The following TMIGD3 variants were observed in gnomAD, a reference collection of about 807,000 sequenced individuals.
TMIGD3 encodes the protein transmembrane and immunoglobulin domain containing 3, also known as AD026 protein (AD026).
TMIGD3 carries 21 observed loss-of-function variants against 28.1 expected under a neutral mutation model. The ratio of observed to expected loss-of-function variants is 0.75; its 90% confidence interval spans 0.53 to 1.08. The LOEUF (loss-of-function observed/expected upper bound fraction) is 1.08, where lower values mean the gene tolerates loss of function less well. Among genes scored for constraint, TMIGD3 ranks in the 50% least tolerant of loss-of-function variants. TMIGD3 has a pLI of 0.00. For synonymous variants in TMIGD3, 151 were observed against 162.1 expected (o/e 0.93, Z 0.52); for missense variants, 416 against 435.6 (o/e 0.96, Z 0.40).
intron 1 of TMIGD3, among the ~76,000 whole-genome samples, chr1:111,516,126 C>A (rs1344459063): frequency 6.6e-6 from 1 of 152,238 alleles, no homozygotes; most frequent in Non-Finnish European, 1.5e-5. Flanking sequence ...TTGGCAGGGC[C>A]GCGGTCCAGG....
At chr1:111,504,268 G>T, upstream of TMIGD3, 1 of 319,568 alleles carries the variant, frequency 3.1e-6, no homozygotes, top group Non-Finnish European at 4.5e-6. Flanking sequence ...CTGGCAGCCG[G>T]CCAATGTCCA....
At chr1:111,525,363 A>G (rs1656227258) in intron 1 of TMIGD3, among the ~76,000 whole-genome samples, 1 of 152,204 alleles carries the variant, frequency 6.6e-6, no homozygotes, top group South Asian at 2.1e-4. Flanking sequence ...TAAGTACATA[A>G]AAGTTTAGAA....
At chr1:111,504,710 TA>T, upstream of TMIGD3, 1 of 220,586 alleles carries the variant, frequency 4.5e-6, no homozygotes, top group Non-Finnish European at 7.7e-6. Context: ...TGGTGTTTAC[TA>T]ACAAACACTT....
intron 1 of TMIGD3, among the ~76,000 whole-genome samples, chr1:111,541,307 G>A (rs982302302): frequency 6.6e-6 from 1 of 152,166 alleles, no homozygotes; most frequent in Non-Finnish European, 1.5e-5. Context: ...TTCTAAGTGT[G>A]CTGGAGAACT....
At chr1:111,513,786 G>A (rs916574063) in intron 1 of TMIGD3, among the ~76,000 whole-genome samples, 12 of 152,134 alleles carry the variant, frequency 7.9e-5, no homozygotes, top group East Asian at 1.9e-4. Context: ...GTGTTATCTC[G>A]GAGTTGGCGC....
intron 1 of TMIGD3, among the ~76,000 whole-genome samples, chr1:111,538,088 A>T (rs960474665): frequency 6.6e-6 from 1 of 152,230 alleles, no homozygotes; most frequent in Non-Finnish European, 1.5e-5. Flanking sequence ...AAAACTGAGC[A>T]TATCAGGATG....
intron 1 of TMIGD3, chr1:111,499,612 C>A (rs779485854): frequency 9.1e-7 from 1 of 1,100,752 alleles, no homozygotes; most frequent in Non-Finnish European, 1.1e-6. Context: ...TTCAGCCCAA[C>A]TGGAGCCTTT....
chr1:111,498,782 A>AGT (rs1229690369), intron 1 of TMIGD3, among the ~76,000 whole-genome samples: 2 of 152,326 alleles, frequency 1.3e-5, no homozygotes, highest in Admixed American at 1.3e-4. Flanking sequence ...CAAAGTACTT[A>AGT]GTGTATATAG....
intron 1 of TMIGD3, chr1:111,499,733 A>T: frequency 2.2e-6 from 3 of 1,384,018 alleles, no homozygotes; most frequent in Non-Finnish European, 2.8e-6. Context: ...TCAGGCCTCC[A>T]AAACACTGAA....
chr1:111,517,894 C>T (rs1248592064), intron 1 of TMIGD3, among the ~76,000 whole-genome samples: 3 of 152,218 alleles, frequency 2.0e-5, no homozygotes, highest in Admixed American at 6.5e-5. Flanking sequence ...CAGCATTAGC[C>T]TCATAATGAC....
chr1:111,488,557 G>T, intron 3 of TMIGD3, 120 bp downstream of exon 3: 1 of 851,136 alleles, frequency 1.2e-6, no homozygotes, highest in Non-Finnish European at 1.8e-6. Flanking sequence ...AGGCCAGGCA[G>T]GCCCAAAGTA....
At chr1:111,546,118 A>G (rs1297165474) in intron 1 of TMIGD3, among the ~76,000 whole-genome samples, 1 of 152,144 alleles carries the variant, frequency 6.6e-6, no homozygotes, top group East Asian at 1.9e-4. Context: ...GCATTTCCAC[A>G]TGGATTTTAG....
At chr1:111,504,546 A>T (rs1370151230), upstream of TMIGD3, among the ~76,000 whole-genome samples, 1 of 152,254 alleles carries the variant, frequency 6.6e-6, no homozygotes, top group Non-Finnish European at 1.5e-5. Context: ...CACCATCCAA[A>T]GGGATTATTT....
chr1:111,527,536 A>G (rs1656309719), intron 1 of TMIGD3, among the ~76,000 whole-genome samples: 7 of 152,200 alleles, frequency 4.6e-5, no homozygotes, highest in Admixed American at 4.6e-4. Context: ...TAGGAACATG[A>G]TTGCTTGATT....
intron 1 of TMIGD3, among the ~76,000 whole-genome samples, chr1:111,509,072 G>A (rs890401348): frequency 6.6e-6 from 1 of 152,210 alleles, no homozygotes; most frequent in African/African-American, 2.4e-5. Context: ...TCCAGCCTGG[G>A]CGACAGAGCG....
At chr1:111,489,097 T>G in intron 2 of TMIGD3, 73 bp from the exon 3 acceptor site, 1 of 1,388,668 alleles carries the variant, frequency 7.2e-7, no homozygotes, top group Non-Finnish European at 9.9e-7. Context: ...TTGCAGCTCC[T>G]GCCCTCCTGA....
At chr1:111,510,924 A>T (rs557346205) in intron 1 of TMIGD3, among the ~76,000 whole-genome samples, 26 of 152,168 alleles carry the variant, frequency 1.7e-4, no homozygotes, top group Non-Finnish European at 3.7e-4. Context: ...GAGACTGAAA[A>T]TGTCCCCTCA....
At chr1:111,495,978 GAAAC>G (rs1321382130) in intron 1 of TMIGD3, among the ~76,000 whole-genome samples, 1 of 152,126 alleles carries the variant, frequency 6.6e-6, no homozygotes, top group Non-Finnish European at 1.5e-5. Flanking sequence ...GAAAAAGAGG[GAAAC>G]AACAGACACA....
intron 1 of TMIGD3, among the ~76,000 whole-genome samples, chr1:111,523,029 A>G (rs1656132520): frequency 6.6e-6 from 1 of 152,206 alleles, no homozygotes; most frequent in Non-Finnish European, 1.5e-5. Context: ...TGTTAAATAG[A>G]AATGGAGAGA....
Sources: allele counts gnomAD v4.1 joint callset (sites outside exome capture counted in the v4.1 genomes callset), GRCh38; gene constraint gnomAD v4.1.1; transcripts MANE v1.5; gene names NCBI Gene and HGNC (gene_info 2026-07-23, HGNC 2026-07-21).